Variants in SIK2 observed in about 807,000 individuals in gnomAD.
SIK2 encodes salt inducible kinase 2.
SIK2 carries 29 observed loss-of-function variants against 103.2 expected under a neutral mutation model. The observed-to-expected ratio is 0.28, with a 90% CI of 0.21 to 0.38. The LOEUF is 0.38. SIK2 is among the 10% of genes least tolerant of loss of function. The pLI, the probability that SIK2 is intolerant of heterozygous loss-of-function variation, is 1.00. For missense variants in SIK2, 879 were observed against 1,171.0 expected (o/e 0.75, Z 3.64); for synonymous variants, 412 against 446.1 (o/e 0.92, Z 0.96).
chr11:111,616,990 C>T (rs544068065), intron 2 of SIK2, among the ~76,000 whole-genome samples: 165 of 152,216 alleles, frequency 1.1e-3, no homozygotes, highest in African/African-American at 3.7e-3. Context: ...TATTCAGTGA[C>T]ATACTTTGTC....
rs547844121 is a variant in SIK2, at chr11:111,681,447, T to G, written c.317-6554T>G. On this transcript the variant is annotated intron_variant, in intron 3 of 14. Coordinates refer to ENST00000304987, the MANE Select transcript of SIK2 (RefSeq NM_015191.3). ...TAAAGCAGATCAAAGGTTAGCCACA[T>G]GAAGGTGATAGTTTATTTTTTTTAG... Among the ~76,000 whole-genome samples the G allele has an allele frequency of 6.6e-5, 10 of 152,356 alleles. No homozygotes were observed. The South Asian group carries it at 2.1e-3, about 32-fold the overall frequency.
At chr11:111,660,270 A>G (rs1942450099) in intron 3 of SIK2, among the ~76,000 whole-genome samples, 1 of 152,124 alleles carries the variant, frequency 6.6e-6, no homozygotes, top group East Asian at 1.9e-4. Context: ...GAAGCCTTGT[A>G]TCTGGAGGGT....
intron 3 of SIK2, among the ~76,000 whole-genome samples, chr11:111,629,926 C>T (rs1242091951): frequency 6.6e-6 from 1 of 152,166 alleles, no homozygotes; most frequent in Non-Finnish European, 1.5e-5. Context: ...TGAAGTTAAA[C>T]ATGCATATAC....
intron 1 of SIK2, among the ~76,000 whole-genome samples, chr11:111,611,667 C>G (rs1394871697): frequency 6.6e-6 from 1 of 152,012 alleles, no homozygotes; most frequent in Non-Finnish European, 1.5e-5. Context: ...AAGGAGTATT[C>G]ATTTTTCTGT....
intron 1 of SIK2, among the ~76,000 whole-genome samples, chr11:111,603,127 G>A (rs529322596): frequency 6.6e-6 from 1 of 152,252 alleles, no homozygotes; most frequent in African/African-American, 2.4e-5. Flanking sequence ...AGACGTCGCC[G>A]GCCCGAGGAG....
chr11:111,621,930 C>G (rs1040285249), intron 3 of SIK2, among the ~76,000 whole-genome samples: 1 of 151,560 alleles, frequency 6.6e-6, no homozygotes, highest in Non-Finnish European at 1.5e-5. Context: ...AAAAAAAAAC[C>G]TTACATCAGT....
intron 3 of SIK2, among the ~76,000 whole-genome samples, chr11:111,636,146 G>T (rs1942105731): frequency 6.6e-6 from 1 of 152,168 alleles, no homozygotes; most frequent in African/African-American, 2.4e-5. Context: ...AAAAGAGGTA[G>T]ATTTCCTACT....
At chr11:111,658,461 G>C (rs565971114) in intron 3 of SIK2, among the ~76,000 whole-genome samples, 4 of 152,086 alleles carry the variant, frequency 2.6e-5, no homozygotes, top group Non-Finnish European at 4.4e-5. Flanking sequence ...CGAGAGATAC[G>C]GCCGAGTGCA....
intron 3 of SIK2, chr11:111,671,330 C>T (rs947599842): frequency 4.3e-6 from 1 of 233,740 alleles, no homozygotes. Context: ...CATTGCAGGG[C>T]GGCCTCCAGC....
At chr11:111,672,198 G>A (rs1003189126) in intron 3 of SIK2, 10 of 401,722 alleles carry the variant, frequency 2.5e-5, no homozygotes, top group South Asian at 1.3e-4. Flanking sequence ...TGGCTGTGAT[G>A]CCCCCCCATA....
At position 111,723,960 on chromosome 11, in the gene SIK2, G is replaced by A. The variant is rs1383675901; in HGVS notation, c.2612G>A (p.Gly871Glu). 2.5e-6 allele frequency: 4 copies of A among 1,614,030 alleles called. No homozygotes were observed. The East Asian group carries it at 8.9e-5, about 36-fold the overall frequency. ...ACTCCCTGTCAGTATCCTGTGGATG[G>A]AGCCCAGCAGAGCGACCTAACGGGG... ...YPTPCQYPVD[G>E]AQQSDLTGPD... is the part of the protein sequence containing the mutation. The change falls in exon 15 of 15, where the codon GGA (glycine) becomes GAA (glutamate). Residue 871 changes from glycine (G) to glutamate (E), a missense_variant. By Grantham distance (98) the Gly-to-Glu change is moderately conservative. Around this residue, in one of 7 missense-constraint regions of SIK2, gnomAD observed 375 missense variants for 416.3 expected, o/e 0.90. Transcript: ENST00000304987.
chr11:111,642,144 G>A (rs1045323612), intron 3 of SIK2, among the ~76,000 whole-genome samples: 2 of 152,050 alleles, frequency 1.3e-5, no homozygotes, highest in African/African-American at 4.8e-5. Context: ...GGAGGGTGGA[G>A]GGGCTCCCTC....
chr11:111,620,140 C>T (rs1263912561), intron 2 of SIK2, among the ~76,000 whole-genome samples, 199 bp from the exon 3 acceptor site: 1 of 152,212 alleles, frequency 6.6e-6, no homozygotes, highest in Non-Finnish European at 1.5e-5. Flanking sequence ...AAGGACCACA[C>T]TTAGAAGAGC....
chr11:111,727,017 A>G lies in SIK2; in HGVS notation c.*2888A>G. 1 of 1,614,094 alleles carries G rather than the reference A, an allele frequency of 6.2e-7. No individual in the cohort carries two copies. Among genetic ancestry groups the G allele is most frequent in the East Asian group, 2.2e-5 (1 of 44,888 alleles). ...TAGCTCTGCAATTCCCAGCTGGGCA[A>G]GTGTGTCTCTAGTATCTCCACGCAA... On this transcript the variant is annotated 3_prime_UTR_variant, in exon 15 of 15. Transcript: ENST00000304987.
intron 1 of SIK2, among the ~76,000 whole-genome samples, chr11:111,605,198 A>T (rs1222598197): frequency 6.6e-6 from 1 of 152,004 alleles, no homozygotes; most frequent in African/African-American, 2.4e-5. Context: ...CCTGACCTCA[A>T]GTGATCCACA....
chr11:111,623,281 C>T (rs1941918596), intron 3 of SIK2, among the ~76,000 whole-genome samples: 1 of 152,158 alleles, frequency 6.6e-6, no homozygotes, highest in Admixed American at 6.5e-5. Flanking sequence ...TCTTTCTGAA[C>T]ATCTAGAATC....
At chr11:111,685,261 A>C (rs1163040774) in intron 3 of SIK2, among the ~76,000 whole-genome samples, 1 of 152,144 alleles carries the variant, frequency 6.6e-6, no homozygotes, top group Non-Finnish European at 1.5e-5. Flanking sequence ...GATCCCTCAC[A>C]TGTGCAGTTC....
intron 3 of SIK2, among the ~76,000 whole-genome samples, chr11:111,643,131 C>T (rs1472330580): frequency 1.3e-5 from 2 of 152,164 alleles, no homozygotes; most frequent in African/African-American, 2.4e-5. Flanking sequence ...CTTCAACCCA[C>T]TGTGATTTTC....
chr11:111,610,350 CGTG>C, intron 1 of SIK2, among the ~76,000 whole-genome samples: 1 of 151,968 alleles, frequency 6.6e-6, no homozygotes, highest in South Asian at 2.1e-4. Flanking sequence ...ATTAGCCTGG[CGTG>C]GTGGTGCATG....
Sources: allele counts gnomAD v4.1 joint callset (sites outside exome capture counted in the v4.1 genomes callset), GRCh38; gene constraint gnomAD v4.1.1; regional missense constraint gnomAD v4.1.1; transcripts MANE v1.5; gene names NCBI Gene and HGNC (gene_info 2026-07-23, HGNC 2026-07-21).